The following CNOT6 variants were observed in gnomAD, a reference collection of about 807,000 sequenced individuals.
CNOT6 encodes carbon catabolite repression 4 protein.
CNOT6 carries 12 observed loss-of-function variants against 61.2 expected under a neutral mutation model. The ratio of observed to expected loss-of-function variants is 0.20; its 90% confidence interval spans 0.13 to 0.32. The LOEUF (loss-of-function observed/expected upper bound fraction) is 0.32. CNOT6 is among the 10% of genes least tolerant of loss of function. CNOT6 has a pLI of 1.00. For missense variants in CNOT6, 405 were observed against 663.9 expected (o/e 0.61, Z 4.28); for synonymous variants, 225 against 240.6 (o/e 0.94, Z 0.60).
intron 1 of CNOT6, among the ~76,000 whole-genome samples, chr5:180,505,413 AC>A (rs1026669578): frequency 9.0e-5 from 12 of 132,666 alleles, no homozygotes; most frequent in African/African-American, 2.9e-4. Context: ...CCGCCACCAC[AC>A]CCAGCTAATT....
intron 1 of CNOT6, among the ~76,000 whole-genome samples, chr5:180,514,584 T>C (rs1211224143): frequency 6.6e-6 from 1 of 152,190 alleles, no homozygotes; most frequent in Admixed American, 6.5e-5. Flanking sequence ...AAATGAGAAT[T>C]AAAGTCCTAA....
chr5:180,570,189 C>G (rs759797909), intron 10 of CNOT6, among the ~76,000 whole-genome samples: 2 of 152,128 alleles, frequency 1.3e-5, no homozygotes, highest in Admixed American at 1.3e-4. Context: ...GAAACCCCAT[C>G]TGTACTGAAA....
intron 1 of CNOT6, among the ~76,000 whole-genome samples, chr5:180,516,302 T>TC (rs1757635593): frequency 1.3e-5 from 2 of 149,712 alleles, no homozygotes; most frequent in South Asian, 4.2e-4. Flanking sequence ...TGCCTCAGCC[T>TC]CCGAGTAGCT....
intron 2 of CNOT6, among the ~76,000 whole-genome samples, chr5:180,532,708 A>G (rs13174261): frequency 6.6e-6 from 1 of 151,880 alleles, no homozygotes; most frequent in Non-Finnish European, 1.5e-5. Flanking sequence ...GCCCTCTCCC[A>G]CTTCTATCAC....
At chr5:180,505,414 C>T (rs1448191991) in intron 1 of CNOT6, among the ~76,000 whole-genome samples, 1 of 147,164 alleles carries the variant, frequency 6.8e-6, no homozygotes, top group Non-Finnish European at 1.5e-5. Flanking sequence ...CGCCACCACA[C>T]CCAGCTAATT....
chr5:180,510,647 TATTAA>T (rs1757346549), intron 1 of CNOT6, among the ~76,000 whole-genome samples: 1 of 152,234 alleles, frequency 6.6e-6, no homozygotes, highest in Admixed American at 6.5e-5. Context: ...AAATAGCATT[TATTAA>T]ATTATTGTCT....
chr5:180,514,796 C>T (rs947480583), intron 1 of CNOT6, among the ~76,000 whole-genome samples: 1 of 152,082 alleles, frequency 6.6e-6, no homozygotes, highest in African/African-American at 2.4e-5. Flanking sequence ...AGAAAACTTC[C>T]TTAAGAAAGC....
At chr5:180,522,831 C>G (rs6896785) in intron 1 of CNOT6, among the ~76,000 whole-genome samples, 3 of 152,034 alleles carry the variant, frequency 2.0e-5, no homozygotes, top group African/African-American at 7.2e-5. Flanking sequence ...TGTTCCTCAC[C>G]CTGTATACAA....
At chr5:180,554,688 T>A (rs1044088074) in intron 4 of CNOT6, among the ~76,000 whole-genome samples, 1 of 152,220 alleles carries the variant, frequency 6.6e-6, no homozygotes, top group African/African-American at 2.4e-5. Context: ...TTTTCTGTTA[T>A]ATTTCCCAGT....
chr5:180,563,882 C>T (rs72814986), intron 4 of CNOT6, among the ~76,000 whole-genome samples: 2,876 of 152,230 alleles, frequency 0.019, 38 homozygotes, highest in Non-Finnish European at 0.027. Flanking sequence ...TTTTTGCTCT[C>T]ATTTTGGAAC....
chr5:180,542,207 T>C (rs1759082960), intron 2 of CNOT6, among the ~76,000 whole-genome samples: 1 of 150,434 alleles, frequency 6.6e-6, no homozygotes, highest in Admixed American at 6.6e-5. Flanking sequence ...CTTGTGCTGC[T>C]TAGGTTTTGC....
At chr5:180,518,892 T>C (rs568129726) in intron 1 of CNOT6, among the ~76,000 whole-genome samples, 53 of 152,272 alleles carry the variant, frequency 3.5e-4, no homozygotes, top group African/African-American at 1.2e-3. Flanking sequence ...AAACATTTTC[T>C]TGTAGAGACG....
intron 1 of CNOT6, among the ~76,000 whole-genome samples, chr5:180,501,034 G>T (rs1287196356): frequency 3.3e-5 from 5 of 152,134 alleles, no homozygotes; most frequent in Non-Finnish European, 7.3e-5. Flanking sequence ...GGGACAGGAA[G>T]AGTGGTCAGA....
At chr5:180,541,873 G>A (rs1364638836) in intron 2 of CNOT6, among the ~76,000 whole-genome samples, 3 of 151,688 alleles carry the variant, frequency 2.0e-5, no homozygotes, top group East Asian at 1.9e-4. Flanking sequence ...ACGGGGTCTC[G>A]CTCTGTTGCC....
Position 180,561,839 on chromosome 5 carries a change from C to T in CNOT6, c.386-2650C>T, listed in dbSNP as rs113777979. On this transcript the variant is annotated intron_variant, in intron 4 of 11. Transcript: ENST00000261951. ...GGTGAAAGTCTTGACTCTCCTTGGC[C>T]TCCTCTGACACCACCTCAGAGGGAG... Among the ~76,000 whole-genome samples, 33 of 152,190 alleles carry T rather than the reference C, an allele frequency of 2.2e-4. 1 individual carries two copies. Among genetic ancestry groups the T allele is most frequent in the Non-Finnish European group, 1.5e-4 (10 of 68,038 alleles).
At chr5:180,556,035 A>G (rs1179766921) in intron 4 of CNOT6, among the ~76,000 whole-genome samples, 2 of 152,184 alleles carry the variant, frequency 1.3e-5, no homozygotes, top group Non-Finnish European at 2.9e-5. Flanking sequence ...ACATGCACTT[A>G]CAAGAAATAA....
rs576565836 is a variant in CNOT6, at chr5:180,567,731, T to C, written c.873-118T>C. On this transcript the variant is annotated intron_variant, in intron 8 of 11. Coordinates refer to ENST00000261951, the MANE Select transcript of CNOT6 (RefSeq NM_001370472.1). ...GCTGAACGTGGAGGATTTTCCGTAA[T>C]GTGATTTAAGTGCCATCGTATCTGT... 5.2e-5 allele frequency: 71 copies of C among 1,359,946 alleles called. 1 individual carries two copies. The African/African-American group carries it at 9.2e-4, about 18-fold the overall frequency. The allele number at this position is 1,359,946 out of a possible 1,614,324, so 84.2% of individuals were successfully genotyped here.
chr5:180,511,074 G>A (rs1033598991), intron 1 of CNOT6, among the ~76,000 whole-genome samples: 64 of 152,172 alleles, frequency 4.2e-4, no homozygotes, highest in Non-Finnish European at 6.2e-4. Context: ...CAAAGTGTTG[G>A]GATTACAGGT....
intron 1 of CNOT6, among the ~76,000 whole-genome samples, chr5:180,518,816 A>G (rs1016582325): frequency 6.6e-6 from 1 of 152,152 alleles, no homozygotes; most frequent in Admixed American, 6.5e-5. Context: ...AATTTCCTTG[A>G]TTTATAAACG....
Sources: allele counts gnomAD v4.1 joint callset (sites outside exome capture counted in the v4.1 genomes callset), GRCh38; gene constraint gnomAD v4.1.1; transcripts MANE v1.5; gene names NCBI Gene and HGNC (gene_info 2026-07-23, HGNC 2026-07-21).